The following TRAPPC12 variants were observed in gnomAD, a reference collection of about 807,000 sequenced individuals.
TRAPPC12 encodes the protein trafficking protein particle complex subunit 12.
A neutral mutation model predicts 69.2 loss-of-function variants in TRAPPC12; 61 were observed. The observed-to-expected ratio is 0.88, with a 90% CI of 0.72 to 1.09. The LOEUF (loss-of-function observed/expected upper bound fraction) is 1.09. Among genes scored for constraint, TRAPPC12 ranks in the 50% least tolerant of loss-of-function variants. The probability of loss-of-function intolerance (pLI) is 0.00; values close to 1 mark genes in which losing one functional copy is unlikely to be tolerated. For synonymous variants in TRAPPC12, 469 were observed against 438.9 expected (o/e 1.07, Z -0.86); for missense variants, 1,101 against 1,016.4 (o/e 1.08, Z -1.13).
At chr2:3,459,042 G>A (rs1665336308) in intron 7 of TRAPPC12, among the ~76,000 whole-genome samples, 1 of 152,244 alleles carries the variant, frequency 6.6e-6, no homozygotes, top group Non-Finnish European at 1.5e-5. Flanking sequence ...TTAAGTTTCT[G>A]TGTGTTCTCC....
chr2:3,385,701 C>A lies in TRAPPC12; in HGVS notation c.-4-1919C>A, dbSNP rs768967012. 7.1e-4 allele frequency among the ~76,000 whole-genome samples: 108 copies of A among 152,218 alleles called. 3 individuals are homozygous for A. The highest frequency in any genetic ancestry group is 4.6e-4 in the Admixed American group (7 of 15,286). On this transcript the variant is annotated intron_variant, in intron 1 of 11. Transcript: ENST00000324266. ...TTGTTAGGGCTGAGGGTAGATGAGA[C>A]GGAGGGAAGATCCCTTTCTCTCATC...
intron 3 of TRAPPC12, among the ~76,000 whole-genome samples, chr2:3,406,961 C>G (rs1278006419): frequency 6.6e-6 from 1 of 152,156 alleles, no homozygotes; most frequent in East Asian, 1.9e-4. Flanking sequence ...AACAAGGGAG[C>G]TTACGTAAGG....
intron 6 of TRAPPC12, chr2:3,455,946 G>T (rs775602278): frequency 1.3e-5 from 2 of 152,164 alleles, no homozygotes; most frequent in African/African-American, 2.4e-5. Flanking sequence ...CTCCCTAGTG[G>T]TTGCACTGAT....
Position 3,387,666 on chromosome 2 carries a change from G to A in TRAPPC12, c.43G>A (p.Ala15Thr). The change falls in exon 2 of 12, where the codon GCC becomes ACC. Residue 15 changes from alanine (A) to threonine (T), a missense_variant. By Grantham distance (58) the Ala-to-Thr change is moderately conservative. Coordinates refer to ENST00000324266, the MANE Select transcript of TRAPPC12 (RefSeq NM_016030.6). Reference sequence around the variant, plus strand: ...CGGCGAGGAGACCCCGGCCCCGGAGGCCCCGCACCCCCCTCAGCTCGCGCC... The same window carrying A: ...CGGCGAGGAGACCCCGGCCCCGGAGACCCCGCACCCCCCTCAGCTCGCGCC... ...GGGEETPAPE[A>T]PHPPQLAPPE... 1.3e-6 allele frequency: 2 copies of A among 1,551,860 alleles called. No homozygotes were observed. Among genetic ancestry groups the A allele is most frequent in the Non-Finnish European group, 8.7e-7 (1 of 1,147,294 alleles).
intron 3 of TRAPPC12, among the ~76,000 whole-genome samples, chr2:3,407,097 T>C (rs932669879): frequency 6.6e-6 from 1 of 152,236 alleles, no homozygotes; most frequent in Non-Finnish European, 1.5e-5. Flanking sequence ...CCCTAAGTTA[T>C]GTCAGAGTTT....
At chr2:3,459,734 G>A (rs1403341329) in intron 7 of TRAPPC12, among the ~76,000 whole-genome samples, 1 of 152,248 alleles carries the variant, frequency 6.6e-6, no homozygotes, top group South Asian at 2.1e-4. Flanking sequence ...CTTGAGTTCT[G>A]GAACACGGTG....
intron 5 of TRAPPC12, among the ~76,000 whole-genome samples, chr2:3,439,358 G>C (rs1664067275): frequency 6.6e-6 from 1 of 152,134 alleles, no homozygotes; most frequent in Non-Finnish European, 1.5e-5. Context: ...CAGTGGTGCA[G>C]TTATGGCCCA....
At chr2:3,400,436 T>C (rs974053094) in intron 2 of TRAPPC12, among the ~76,000 whole-genome samples, 2 of 151,932 alleles carry the variant, frequency 1.3e-5, no homozygotes, top group African/African-American at 4.8e-5. Flanking sequence ...CAGCGCTGCT[T>C]CCCTTTCCCC....
chr2:3,383,376 CT>C (rs1201878978), intron 1 of TRAPPC12, among the ~76,000 whole-genome samples: 1 of 151,812 alleles, frequency 6.6e-6, no homozygotes, highest in African/African-American at 2.4e-5. Context: ...GAAGTTTTGC[CT>C]TTCACAGTTA....
intron 1 of TRAPPC12, among the ~76,000 whole-genome samples, chr2:3,380,580 C>T (rs575295435): frequency 2.4e-4 from 37 of 152,276 alleles, no homozygotes; most frequent in Non-Finnish European, 4.7e-4. Flanking sequence ...GATATGGTGT[C>T]TTTGGATTCA....
Position 3,457,652 on chromosome 2 carries a change from A to G in TRAPPC12, c.1562A>G (p.Glu521Gly). ...ILANLEQGLA[E>G]DGGMSSVTQE... ...GCCAATTTGGAGCAAGGCTTAGCAG[A>G]AGACGGCGGCATGAGCAGCGTGACT... The change falls in exon 7 of 12, where the codon GAA becomes GGA. Residue 521 changes from glutamate (E) to glycine (G), a missense_variant. Physicochemically the swap from Glu to Gly is moderately conservative, Grantham distance 98. Transcript: ENST00000324266. The G allele has an allele frequency of 6.2e-7, 1 of 1,612,314 alleles. No individual in the cohort carries two copies. The highest frequency in any genetic ancestry group is 8.5e-7 in the Non-Finnish European group (1 of 1,179,990).
intron 3 of TRAPPC12, among the ~76,000 whole-genome samples, chr2:3,417,982 G>T (rs1265028425): frequency 2.0e-5 from 3 of 150,226 alleles, no homozygotes; most frequent in African/African-American, 7.4e-5. Context: ...GGCGGAGATT[G>T]CAGCGAGTCG....
chr2:3,445,401 T>C (rs969368526), intron 6 of TRAPPC12, among the ~76,000 whole-genome samples: 1 of 152,006 alleles, frequency 6.6e-6, no homozygotes, highest in Non-Finnish European at 1.5e-5. Context: ...AAAGAAAAAC[T>C]GCATACTACA....
chr2:3,477,923 C>G, intron 10 of TRAPPC12, 128 bp downstream of exon 10: 1 of 563,704 alleles, frequency 1.8e-6, no homozygotes, highest in Non-Finnish European at 3.1e-6. Context: ...CTGTGTCTCT[C>G]AGAGCGGAGA....
In TRAPPC12 at chr2:3,387,972, G is replaced by A. The variant is rs1282100187; in HGVS notation, c.349G>A (p.Asp117Asn). 4 of 1,476,928 alleles carry A rather than the reference G, an allele frequency of 2.7e-6. No homozygotes were observed. Among genetic ancestry groups the A allele is most frequent in the Non-Finnish European group, 2.7e-6 (3 of 1,119,728 alleles). The allele number at this position is 1,476,928 out of a possible 1,614,324, so 91.5% of individuals were successfully genotyped here. Residue 117 changes from aspartate (D) to asparagine (N), a missense_variant, in exon 2 of 12, where the codon GAC becomes AAC. Physicochemically the swap from Asp to Asn is conservative, Grantham distance 23 (BLOSUM62 1). Transcript: ENST00000324266. ...GAGTCCCAGCGGCGAGGCCGACGGC[G>A]ACTGTGCCCCCGAGGACGCGGCACC... is the stretch of plus-strand genomic sequence containing the variant. ...TPSPSGEADG[D>N]CAPEDAAPSS...
intron 3 of TRAPPC12, among the ~76,000 whole-genome samples, chr2:3,415,691 A>G (rs1030570930): frequency 6.9e-6 from 1 of 145,648 alleles, no homozygotes; most frequent in Non-Finnish European, 1.5e-5. Context: ...GAAGTGAGCC[A>G]TCGTGCCTGG....
intron 5 of TRAPPC12, among the ~76,000 whole-genome samples, chr2:3,439,115 T>A (rs548698923): frequency 1.3e-5 from 2 of 152,338 alleles, no homozygotes; most frequent in South Asian, 2.1e-4. Context: ...CTTTTGGTAT[T>A]GTCATTTTTT....
intron 7 of TRAPPC12, chr2:3,458,507 G>A (rs1018083414): frequency 2.0e-5 from 19 of 944,112 alleles, no homozygotes; most frequent in Non-Finnish European, 2.1e-5. Context: ...TGAGCTGAAC[G>A]TGTGTGAGGT....
chr2:3,477,936 C>T (rs757865099), intron 10 of TRAPPC12, 141 bp downstream of exon 10: 12 of 544,880 alleles, frequency 2.2e-5, no homozygotes, highest in Non-Finnish European at 3.0e-5. Context: ...AGCGGAGACC[C>T]AAGGAGTATA....
Sources: allele counts gnomAD v4.1 joint callset (sites outside exome capture counted in the v4.1 genomes callset), GRCh38; gene constraint gnomAD v4.1.1; transcripts MANE v1.5; gene names NCBI Gene and HGNC (gene_info 2026-07-23, HGNC 2026-07-21).